The following SUGCT variants were observed in gnomAD, a reference collection of about 807,000 sequenced individuals.
SUGCT encodes the protein succinyl-CoA:glutarate-CoA transferase, also known as succinyl-CoA:glutarate CoA-transferase.
SUGCT carries 41 observed loss-of-function variants against 55.0 expected under a neutral mutation model. The observed-to-expected ratio is 0.74, with a 90% confidence interval of 0.58 to 0.97. The LOEUF is 0.97. Ranked by LOEUF, SUGCT falls within the 50% of genes least tolerant of loss-of-function variation. SUGCT has a pLI of 0.00. For missense variants in SUGCT, 568 were observed against 547.8 expected, an observed-to-expected ratio of 1.04 and a Z score of -0.37; for synonymous variants, 187 against 200.4, an observed-to-expected ratio of 0.93 and a Z score of 0.56.
intron 11 of SUGCT, among the ~76,000 whole-genome samples, chr7:40,479,540 G>A (rs901287126): frequency 2.6e-5 from 4 of 152,036 alleles, no homozygotes; most frequent in Admixed American, 6.6e-5. Context: ...ATGTATGACT[G>A]TATACCTAGA....
the SUGCT span, among the ~76,000 whole-genome samples, chr7:40,985,269 G>A: frequency 2.6e-5 from 4 of 152,180 alleles, no homozygotes; most frequent in Non-Finnish European, 5.9e-5. Flanking sequence ...TTATTCAATG[G>A]CATTGTAAAT....
chr7:40,911,903 G>T, the SUGCT span, among the ~76,000 whole-genome samples: 1 of 152,116 alleles, frequency 6.6e-6, no homozygotes, highest in African/African-American at 2.4e-5. Flanking sequence ...TGTGTGTGTG[G>T]ATGTACGCGT....
chr7:40,556,260 A>G (rs1440602886), intron 12 of SUGCT, among the ~76,000 whole-genome samples: 2 of 152,182 alleles, frequency 1.3e-5, no homozygotes, highest in Non-Finnish European at 2.9e-5. Context: ...ACTCAGACAT[A>G]TGGAAAGCTG....
chr7:40,861,551 T>C (rs1160689882), downstream of SUGCT, among the ~76,000 whole-genome samples: 1 of 152,228 alleles, frequency 6.6e-6, no homozygotes, highest in Non-Finnish European at 1.5e-5. Flanking sequence ...TCTATTTTAA[T>C]GTCATTACAC....
intron 12 of SUGCT, among the ~76,000 whole-genome samples, chr7:40,668,402 G>C (rs75682113): frequency 0.013 from 2,038 of 152,116 alleles, 20 homozygotes; most frequent in Non-Finnish European, 0.022. Flanking sequence ...TGTAACTGAA[G>C]TATTTACCAA....
intron 12 of SUGCT, among the ~76,000 whole-genome samples, chr7:40,744,219 C>T (rs1219062032): frequency 2.0e-5 from 3 of 152,178 alleles, no homozygotes; most frequent in Admixed American, 1.3e-4. Flanking sequence ...TGGGCCACCA[C>T]GCCTGGCCAC....
intron 12 of SUGCT, among the ~76,000 whole-genome samples, chr7:40,513,783 A>ATTTT (rs869065628): frequency 0.018 from 1,890 of 103,950 alleles, 32 homozygotes; most frequent in African/African-American, 0.025. Context: ...TCAGGGAAGT[A>ATTTT]TTTTTTTTTT....
intron 8 of SUGCT, among the ~76,000 whole-genome samples, chr7:40,280,885 G>A (rs927978008): frequency 1.5e-4 from 23 of 152,048 alleles, no homozygotes; most frequent in African/African-American, 5.6e-4. Context: ...CTTCTGGTGC[G>A]GGTCTTGCCG....
At chr7:40,678,429 C>T (rs542568789) in intron 12 of SUGCT, among the ~76,000 whole-genome samples, 2 of 152,226 alleles carry the variant, frequency 1.3e-5, no homozygotes, top group East Asian at 3.9e-4. Flanking sequence ...TGTCAAAAAA[C>T]AATTACCCAT....
intron 11 of SUGCT, among the ~76,000 whole-genome samples, chr7:40,461,504 G>C (rs1789798960): frequency 1.3e-5 from 2 of 152,106 alleles, no homozygotes. Context: ...CTGAAACTTA[G>C]TCATGCTTCA....
intron 1 of SUGCT, among the ~76,000 whole-genome samples, chr7:40,163,212 C>T (rs996690056): frequency 3.3e-5 from 5 of 152,166 alleles, no homozygotes; most frequent in East Asian, 1.9e-4. Context: ...TTGGGATTAG[C>T]ACTGAGTTGT....
At chr7:41,003,144 G>C in the SUGCT span, among the ~76,000 whole-genome samples, 2 of 152,136 alleles carry the variant, frequency 1.3e-5, no homozygotes, top group African/African-American at 2.4e-5. Flanking sequence ...TTTCTTTTCT[G>C]TACTTCTCCC....
chr7:40,357,865 CA>C (rs2151213835), intron 9 of SUGCT, among the ~76,000 whole-genome samples: 1 of 151,606 alleles, frequency 6.6e-6, no homozygotes, highest in South Asian at 2.1e-4. Flanking sequence ...GTGGGTCATC[CA>C]AAAATGGACA....
chr7:40,181,058 T>A, intron 2 of SUGCT, 60 bp downstream of exon 2: 1 of 1,231,436 alleles, frequency 8.1e-7, no homozygotes, highest in Non-Finnish European at 1.2e-6. Context: ...CAAAAACTTT[T>A]AATTTTTTGA....
intron 6 of SUGCT, among the ~76,000 whole-genome samples, chr7:40,227,809 A>T (rs1347360155): frequency 6.6e-6 from 1 of 151,722 alleles, no homozygotes; most frequent in South Asian, 2.1e-4. Context: ...GGCCAATGCC[A>T]TTATCACACA....
At chr7:40,812,408 T>C (rs1791468550) in intron 13 of SUGCT, among the ~76,000 whole-genome samples, 3 of 152,138 alleles carry the variant, frequency 2.0e-5, no homozygotes, top group Admixed American at 2.0e-4. Flanking sequence ...GAACTTGATA[T>C]TGGTCTGTTT....
At chr7:41,011,227 G>A in the SUGCT span, among the ~76,000 whole-genome samples, 3 of 152,204 alleles carry the variant, frequency 2.0e-5, no homozygotes, top group African/African-American at 2.4e-5. Context: ...ATCAGGCAGA[G>A]GGAGGCGGAT....
chr7:40,371,187 T>A (rs1317765445), intron 9 of SUGCT, among the ~76,000 whole-genome samples: 2 of 152,214 alleles, frequency 1.3e-5, no homozygotes, highest in Non-Finnish European at 2.9e-5. Flanking sequence ...TCTCTCTTTT[T>A]TCTTAGTTAC....
At chr7:40,804,518 C>T (rs1250203784) in intron 13 of SUGCT, among the ~76,000 whole-genome samples, 4 of 151,640 alleles carry the variant, frequency 2.6e-5, no homozygotes, top group African/African-American at 9.7e-5. Flanking sequence ...GTAGTGAGGT[C>T]ATCTACCTTT....
Sources: allele counts gnomAD v4.1 joint callset (sites outside exome capture counted in the v4.1 genomes callset), GRCh38; gene constraint gnomAD v4.1.1; transcripts MANE v1.5; gene names NCBI Gene and HGNC (gene_info 2026-07-23, HGNC 2026-07-21).